ADAMTSL1: variants seen among roughly 807,000 people sequenced by gnomAD.
ADAMTSL1 encodes ADAMTS like 1.
A neutral mutation model predicts 201.8 loss-of-function variants in ADAMTSL1; 126 were observed. That is an observed-to-expected ratio of 0.62 (90% CI 0.54 to 0.72). ADAMTSL1 has a LOEUF of 0.72. Among genes scored for constraint, ADAMTSL1 ranks in the 30% least tolerant of loss-of-function variants. The pLI, the probability that ADAMTSL1 is intolerant of heterozygous loss-of-function variation, is 0.00. For synonymous variants in ADAMTSL1, 1,121 were observed against 903.4 expected, an observed-to-expected ratio of 1.24 and a Z score of -4.32; for missense variants, 2,679 against 2,277.8, an observed-to-expected ratio of 1.18 and a Z score of -3.59.
intron 13 of ADAMTSL1, among the ~76,000 whole-genome samples, chr9:18,694,213 T>C (rs1477615828): frequency 6.6e-6 from 1 of 152,154 alleles, no homozygotes; most frequent in East Asian, 1.9e-4. Flanking sequence ...GGGATTATAA[T>C]TTGACAGGAG....
At chr9:18,155,748 C>T (rs1378443925) in intron 1 of ADAMTSL1, among the ~76,000 whole-genome samples, 3 of 151,910 alleles carry the variant, frequency 2.0e-5, no homozygotes, top group Non-Finnish European at 4.4e-5. Flanking sequence ...TCCTTGGCAT[C>T]GTGGAGACTG....
At chr9:18,013,919 G>A (rs143006588) in intron 1 of ADAMTSL1, among the ~76,000 whole-genome samples, 72 of 151,806 alleles carry the variant, frequency 4.7e-4, no homozygotes, top group Non-Finnish European at 8.0e-4. Context: ...TTGAAAGGTC[G>A]CTTTTCATCA....
At chr9:18,642,420 A>G (rs1480864404) in intron 7 of ADAMTSL1, among the ~76,000 whole-genome samples, 1 of 152,082 alleles carries the variant, frequency 6.6e-6, no homozygotes, top group African/African-American at 2.4e-5. Context: ...TCACATATTT[A>G]TCAATTTTTT....
intron 7 of ADAMTSL1, among the ~76,000 whole-genome samples, chr9:18,655,259 C>T (rs1181916263): frequency 1.3e-5 from 2 of 152,220 alleles, no homozygotes; most frequent in Non-Finnish European, 2.9e-5. Flanking sequence ...ACCCCCCATA[C>T]ACATTTCTAT....
At chr9:18,721,473 T>C in intron 14 of ADAMTSL1, 63 bp from the exon 15 acceptor site, 3 of 1,589,362 alleles carry the variant, frequency 1.9e-6, no homozygotes, top group Non-Finnish European at 1.7e-6. Flanking sequence ...TTGTCTACAC[T>C]TCATCACCCC....
chr9:18,263,677 C>T (rs368530471), intron 2 of ADAMTSL1, among the ~76,000 whole-genome samples: 1 of 152,168 alleles, frequency 6.6e-6, no homozygotes, highest in African/African-American at 2.4e-5. Flanking sequence ...TGGAGATGGA[C>T]CCCCTAAGGG....
At chr9:18,352,151 G>A (rs1484079160) in intron 2 of ADAMTSL1, among the ~76,000 whole-genome samples, 1 of 151,994 alleles carries the variant, frequency 6.6e-6, no homozygotes, top group African/African-American at 2.4e-5. Flanking sequence ...AGCTTCTATA[G>A]TGTTATCCTT....
At chr9:18,730,806 A>G (rs1265580528) in intron 15 of ADAMTSL1, among the ~76,000 whole-genome samples, 1 of 152,232 alleles carries the variant, frequency 6.6e-6, no homozygotes, top group Non-Finnish European at 1.5e-5. Context: ...ATGCTGGAAC[A>G]GCTGAAAGTG....
At chr9:18,724,335 A>G (rs937437081) in intron 15 of ADAMTSL1, among the ~76,000 whole-genome samples, 3 of 152,216 alleles carry the variant, frequency 2.0e-5, no homozygotes, top group African/African-American at 4.8e-5. Context: ...GGCAAGTCCA[A>G]TCTGCTTAGC....
At position 18,230,316 on chromosome 9, in the gene ADAMTSL1, T is replaced by G. The variant is rs547222691; in HGVS notation, c.207+66335T>G. 7.9e-5 allele frequency among the ~76,000 whole-genome samples: 12 copies of G among 152,218 alleles called. No homozygotes were observed. In the South Asian group the frequency reaches 2.5e-3, roughly 32 times the overall value. On this transcript the variant is annotated intron_variant, in intron 2 of 29. Coordinates refer to the ADAMTSL1 transcript ENST00000680146. ...TCCTGGATTCAATATGATACCGGCC[T>G]ACATGGGGAAGCCTGGAAGTTTTAG... is the stretch of plus-strand genomic sequence containing the variant.
intron 1 of ADAMTSL1, among the ~76,000 whole-genome samples, chr9:18,481,819 C>T (rs927673990): frequency 5.9e-5 from 9 of 152,060 alleles, no homozygotes; most frequent in African/African-American, 2.2e-4. Context: ...AGTTAATATT[C>T]TTTAGGGAAA....
chr9:18,162,516 C>G (rs72701516), intron 1 of ADAMTSL1, among the ~76,000 whole-genome samples: 5,302 of 151,966 alleles, frequency 0.035, 132 homozygotes, highest in Non-Finnish European at 0.057. Context: ...TTCTGTATAA[C>G]AACAGAATTT....
intron 2 of ADAMTSL1, among the ~76,000 whole-genome samples, chr9:18,251,044 A>G (rs1191223048): frequency 6.6e-6 from 1 of 152,198 alleles, no homozygotes; most frequent in Non-Finnish European, 1.5e-5. Context: ...AAACAGAAAC[A>G]GCACAGAACT....
At chr9:18,432,752 T>A (rs1819553544) in intron 2 of ADAMTSL1, among the ~76,000 whole-genome samples, 1 of 152,206 alleles carries the variant, frequency 6.6e-6, no homozygotes. Flanking sequence ...ACAATTATTA[T>A]AAGGATCAAG....
At chr9:18,092,425 A>G (rs1234189410) in intron 1 of ADAMTSL1, among the ~76,000 whole-genome samples, 3 of 152,220 alleles carry the variant, frequency 2.0e-5, no homozygotes, top group Non-Finnish European at 1.5e-5. Flanking sequence ...AATTAGGGAA[A>G]TGCGTGTACA....
chr9:18,207,464 A>G (rs1351463710), intron 2 of ADAMTSL1, among the ~76,000 whole-genome samples: 2 of 152,176 alleles, frequency 1.3e-5, no homozygotes, highest in East Asian at 3.9e-4. Flanking sequence ...CTACTGGCTA[A>G]TCAATGGTGC....
chr9:18,264,098 G>A (rs1275645435), intron 2 of ADAMTSL1, among the ~76,000 whole-genome samples: 1 of 152,094 alleles, frequency 6.6e-6, no homozygotes, highest in Non-Finnish European at 1.5e-5. Flanking sequence ...CCTGTCTGCT[G>A]TGTCTCCATT....
At chr9:18,182,759 T>C (rs992030484) in intron 2 of ADAMTSL1, among the ~76,000 whole-genome samples, 1 of 152,076 alleles carries the variant, frequency 6.6e-6, no homozygotes, top group Non-Finnish European at 1.5e-5. Context: ...AGGCACGGAG[T>C]GATTAACCAC....
At chr9:18,727,055 C>T (rs943512210) in intron 15 of ADAMTSL1, among the ~76,000 whole-genome samples, 6 of 152,160 alleles carry the variant, frequency 3.9e-5, no homozygotes, top group Non-Finnish European at 7.3e-5. Flanking sequence ...TTCAGAATGC[C>T]TATTTTATTA....
Sources: gnomAD v4.1 joint callset for allele counts (sites outside exome capture counted in the v4.1 genomes callset) on GRCh38, gnomAD v4.1.1 for gene constraint, MANE v1.5 for transcripts, NCBI Gene and HGNC (gene_info 2026-07-23, HGNC 2026-07-21) for gene names.